Variants in MTMR4 observed in about 807,000 individuals in gnomAD.
MTMR4 encodes myotubularin related protein 4.
Under a neutral mutation model 125.5 loss-of-function variants are expected in MTMR4, and 30 were observed. That is an observed-to-expected ratio of 0.24 (90% CI 0.18 to 0.32). The LOEUF (loss-of-function observed/expected upper bound fraction) is 0.32. MTMR4 is among the 10% of genes least tolerant of loss of function. The pLI, the probability that MTMR4 is intolerant of heterozygous loss-of-function variation, is 1.00. For synonymous variants in MTMR4, 498 were observed against 564.5 expected, an observed-to-expected ratio of 0.88 and a Z score of 1.67; for missense variants, 1,039 against 1,511.5, an observed-to-expected ratio of 0.69 and a Z score of 5.18.
Position 58,489,849 on chromosome 17 carries a change from A to C in MTMR4, c.*1814T>G, listed in dbSNP as rs1265287605. 6.6e-6 allele frequency: 1 copy of C among 152,670 alleles called. No homozygotes were observed. Among genetic ancestry groups the C allele is most frequent in the Non-Finnish European group, 1.5e-5 (1 of 68,048 alleles). 9.5% of individuals were successfully genotyped at this position (152,670 alleles called of 1,614,324 possible). The stretch of plus-strand genomic sequence containing the variant: ...AGTGAAGTGCAATGAAAGACAAGTT[A>C]ATTAAAAAGCCACTCACAACTGGCA... On this transcript the variant is annotated 3_prime_UTR_variant, in exon 18 of 18. Coordinates refer to ENST00000682306, the MANE Select transcript of MTMR4 (RefSeq NM_001378067.1).
Position 58,507,250 on chromosome 17 carries a change from A to G in MTMR4, c.777T>C (p.Asn259=). ...QPEISWWGWR[N]ADDEYLVTSI... The stretch of plus-strand genomic sequence containing the variant: ...ACGTGACCAGGTACTCATCATCAGC[A>G]TTGCGCCAGCCCCACCAGCTGATCT... The change falls in exon 8 of 18, where the codon AAT becomes AAC. Residue 259 remains asparagine (N), a synonymous_variant. Transcript: ENST00000682306. 1 of 1,614,132 alleles carries G rather than the reference A, an allele frequency of 6.2e-7. No homozygotes were observed. The highest frequency in any genetic ancestry group is 8.5e-7 in the Non-Finnish European group (1 of 1,180,018).
chr17:58,516,308 T>G (rs1976084017), upstream of MTMR4, among the ~76,000 whole-genome samples: 1 of 152,176 alleles, frequency 6.6e-6, no homozygotes, highest in Non-Finnish European at 1.5e-5. Context: ...GAAGGGTTAA[T>G]AGAACCAGTG....
intron 8 of MTMR4, 119 bp downstream of exon 8, chr17:58,507,004 G>A (rs1975794067): frequency 6.4e-7 from 1 of 1,552,680 alleles, no homozygotes; most frequent in Non-Finnish European, 8.8e-7. Flanking sequence ...TGACAAGGCA[G>A]GGACCCCAGC....
chr17:58,504,914 T>C lies in MTMR4; in HGVS notation c.1206A>G (p.Ala402=), dbSNP rs1975737863. The change falls in exon 11 of 18, where the codon GCA becomes GCG. Residue 402 remains alanine (A), a synonymous_variant. Coordinates refer to ENST00000682306, the MANE Select transcript of MTMR4 (RefSeq NM_001378067.1). This position sits in a 1 kb window ranked among gnomAD's most constrained non-coding sequence, Gnocchi z 7.1. The stretch of plus-strand genomic sequence containing the variant: ...CTACTGTATTAGCCACCAGCACAGC[T>C]GCTTTTAGCATCACCGACAAGTGCT... ...WLQHLSVMLK[A]AVLVANTVDR... 1.9e-6 allele frequency: 3 copies of C among 1,614,134 alleles called. No homozygotes were observed. Among genetic ancestry groups the C allele is most frequent in the Non-Finnish European group, 2.5e-6 (3 of 1,179,984 alleles).
At position 58,504,165 on chromosome 17, in the gene MTMR4, T is replaced by C; in HGVS notation, c.1583A>G (p.Asn528Ser). Residue 528 changes from asparagine to serine, a missense_variant, in exon 13 of 18, where the codon AAC becomes AGC. Physicochemically the swap from Asn to Ser is conservative, Grantham distance 46 (BLOSUM62 1). This residue lies in a region of MTMR4 where 619 missense variants were observed against 714.5 expected (regional missense o/e 0.87). Coordinates refer to ENST00000682306, the MANE Select transcript of MTMR4 (RefSeq NM_001378067.1). This position sits in a 1 kb window ranked among gnomAD's most constrained non-coding sequence, Gnocchi z 7.1. Reference sequence around the variant, plus strand: ...GTTGCGCTTCTCTCGCTCACAGGGGTTGTTGGCCAGGAAGGTGCCGTAGAG... The same window carrying C: ...GTTGCGCTTCTCTCGCTCACAGGGGCTGTTGGCCAGGAAGGTGCCGTAGAG... ...SCLYGTFLAN[N>S]PCEREKRNIY... is the part of the protein sequence containing the mutation. 1 of 1,612,382 alleles carries C rather than the reference T, an allele frequency of 6.2e-7. No individual in the cohort carries two copies. Among genetic ancestry groups the C allele is most frequent in the South Asian group, 1.1e-5 (1 of 90,884 alleles).
intron 17 of MTMR4, 150 bp downstream of exon 17, chr17:58,492,361 A>G: frequency 6.1e-6 from 4 of 657,932 alleles, no homozygotes; most frequent in Non-Finnish European, 1.0e-5. Context: ...TAGTGGAGAC[A>G]GGTTTTACCA....
At position 58,504,893 on chromosome 17, in the gene MTMR4, T is replaced by C. The variant is rs1385853431; in HGVS notation, c.1227A>G (p.Thr409=). ...GCACAGGCCGGCCTTCCCGGTCTACTGTATTAGCCACCAGCACAGCTGCTT... is the reference window on the plus strand; with the variant it reads ...GCACAGGCCGGCCTTCCCGGTCTACCGTATTAGCCACCAGCACAGCTGCTT... ...MLKAAVLVAN[T]VDREGRPVLV... The change falls in exon 11 of 18, where the codon ACA becomes ACG. Residue 409 remains threonine, a synonymous_variant. Coordinates refer to ENST00000682306, the MANE Select transcript of MTMR4 (RefSeq NM_001378067.1). This position sits in a 1 kb window ranked among gnomAD's most constrained non-coding sequence, Gnocchi z 7.1. 14 of 1,614,232 alleles carry C rather than the reference T, an allele frequency of 8.7e-6. No individual in the cohort carries two copies. The highest frequency in any genetic ancestry group is 1.1e-5 in the Non-Finnish European group (13 of 1,180,040).
rs1205877604 is a variant in MTMR4, at chr17:58,491,631, C to T, written c.*32G>A. 1.2e-6 allele frequency: 2 copies of T among 1,600,612 alleles called. No individual in the cohort carries two copies. The highest frequency in any genetic ancestry group is 2.7e-5 in the African/African-American group (2 of 74,602). On this transcript the variant is annotated 3_prime_UTR_variant, in exon 18 of 18. Coordinates refer to ENST00000682306, the MANE Select transcript of MTMR4 (RefSeq NM_001378067.1). ...ACTGAAGAAGATCCTCCCTTCAAACCTGCTAAAATTGGACAGGTTTCTCCC... is the reference window on the plus strand; with the variant it reads ...ACTGAAGAAGATCCTCCCTTCAAACTTGCTAAAATTGGACAGGTTTCTCCC...
rs1975285289 is a variant in MTMR4 at position 58,490,346 on chromosome 17, G to A, written c.*1317C>T. 1.3e-5 allele frequency: 2 copies of A among 152,480 alleles called. No individual in the cohort carries two copies. The highest frequency in any genetic ancestry group is 4.8e-5 in the African/African-American group (2 of 41,376). 9.4% of individuals were successfully genotyped at this position (152,480 alleles called of 1,614,324 possible). A position where few individuals can be genotyped will look rare whatever the true frequency, so the allele number is the denominator to read the frequency against. ...GGAGACTGTATCTGTCCCACCCACA[G>A]TACATGGCTATATCACTGTATCTTT... On this transcript the variant is annotated 3_prime_UTR_variant, in exon 18 of 18. Coordinates refer to ENST00000682306, the MANE Select transcript of MTMR4 (RefSeq NM_001378067.1).
chr17:58,498,378 T>G (rs1246145288), intron 14 of MTMR4, among the ~76,000 whole-genome samples: 1 of 151,572 alleles, frequency 6.6e-6, no homozygotes, highest in African/African-American at 2.4e-5. Flanking sequence ...TAATAATACC[T>G]GAGTTTACAA....
chr17:58,514,683 G>A, upstream of MTMR4: 1 of 984,644 alleles, frequency 1.0e-6, no homozygotes, highest in Non-Finnish European at 1.2e-6. Flanking sequence ...GAAGGCGGAG[G>A]TAGAGGCGGG....
intron 14 of MTMR4, among the ~76,000 whole-genome samples, chr17:58,498,700 C>T (rs138875910): frequency 6.6e-6 from 1 of 152,200 alleles, no homozygotes; most frequent in Non-Finnish European, 1.5e-5. Context: ...AATCTACTCT[C>T]CATCTTGAGC....
At chr17:58,499,399 T>C (rs1975558962) in intron 14 of MTMR4, among the ~76,000 whole-genome samples, 1 of 151,834 alleles carries the variant, frequency 6.6e-6, no homozygotes, top group African/African-American at 2.4e-5. Flanking sequence ...ATACAAAAAT[T>C]AGCCAGGTGT....
chr17:58,513,331 G>A (rs1975986551), intron 1 of MTMR4, among the ~76,000 whole-genome samples: 2 of 152,188 alleles, frequency 1.3e-5, no homozygotes, highest in African/African-American at 2.4e-5. Context: ...AAAGGAGCCA[G>A]GTATGGCAGC....
chr17:58,511,282 C>A, intron 4 of MTMR4, 147 bp downstream of exon 4: 2 of 746,772 alleles, frequency 2.7e-6, no homozygotes, highest in Non-Finnish European at 2.1e-6. Flanking sequence ...AACTGACCTC[C>A]CAACCCAGAA....
chr17:58,507,466 G>T, intron 7 of MTMR4, 147 bp from the exon 8 acceptor site: 1 of 646,334 alleles, frequency 1.5e-6, no homozygotes. Flanking sequence ...AACGTCACTA[G>T]CAGGCTTCAC....
At chr17:58,514,652 G>C, upstream of MTMR4, 1 of 985,342 alleles carries the variant, frequency 1.0e-6, no homozygotes. Context: ...CAGGCGAGGG[G>C]AGAGCCCGGG....
chr17:58,508,720 G>A lies in MTMR4; in HGVS notation c.457C>T (p.Leu153=), dbSNP rs757045962. The change falls in exon 5 of 18, where the codon CTG becomes TTG. Residue 153 remains leucine, a synonymous_variant. Coordinates refer to ENST00000682306, the MANE Select transcript of MTMR4 (RefSeq NM_001378067.1). The surrounding 1 kb of genome is among the most constrained non-coding windows in gnomAD (Gnocchi z 4.8). ...TGAGTGTGCTGGTCCTCCTCGGTCA[G>A]CCCCAGGCACCAGGCATGGTAGGCA... ...AFAYHAWCLG[L]TEEDQHTHLC... is the part of the protein sequence containing the mutation. 6 of 1,614,112 alleles carry A rather than the reference G, an allele frequency of 3.7e-6. No individual in the cohort carries two copies. The Admixed American group carries it at 6.7e-5, about 18-fold the overall frequency.
chr17:58,510,104 C>T (rs1356618693), intron 4 of MTMR4, among the ~76,000 whole-genome samples: 2 of 152,172 alleles, frequency 1.3e-5, no homozygotes, highest in Admixed American at 1.3e-4. Flanking sequence ...CCCCCATTCT[C>T]TTTCATCTAG....
Sources: gnomAD v4.1 joint callset for allele counts (sites outside exome capture counted in the v4.1 genomes callset) on GRCh38, gnomAD v4.1.1 for gene constraint, gnomAD v4.1.1 regional missense constraint, Gnocchi (gnomAD v3.1) non-coding constraint, MANE v1.5 for transcripts, NCBI Gene and HGNC (gene_info 2026-07-23, HGNC 2026-07-21) for gene names.